Variants in FANCD2OS observed in about 807,000 individuals in gnomAD.
FANCD2OS encodes the protein FANCD2 opposite strand.
In FANCD2OS, 11 loss-of-function variants were observed where a neutral mutation model predicts 13.2. That is an observed-to-expected ratio of 0.83 (90% confidence interval 0.52 to 1.38). The LOEUF (loss-of-function observed/expected upper bound fraction) is 1.38. FANCD2OS is among the 40% of genes most tolerant of loss of function. The pLI, the probability that FANCD2OS is intolerant of heterozygous loss-of-function variation, is 0.00. For synonymous variants in FANCD2OS, 69 were observed against 84.5 expected (o/e 0.82, Z 1.01); for missense variants, 217 against 213.9 (o/e 1.01, Z -0.09).
At chr3:10,091,823 A>G (rs997880186) in intron 2 of FANCD2OS, among the ~76,000 whole-genome samples, 4 of 152,232 alleles carry the variant, frequency 2.6e-5, no homozygotes, top group Non-Finnish European at 5.9e-5. Context: ...CACCGGGTGC[A>G]GTGGCGCACG....
chr3:10,085,796 A>T lies in FANCD2OS; in HGVS notation c.*44-4265T>A, dbSNP rs778974182. On this transcript the variant is annotated intron_variant, in intron 2 of 2. Transcript: ENST00000524279. ...TCCAGAAACTAAGCTAACCCCTCTTACCTTGACTTCCTTAGGAGTGGATTT... is the reference window on the plus strand; with the variant it reads ...TCCAGAAACTAAGCTAACCCCTCTTTCCTTGACTTCCTTAGGAGTGGATTT... The T allele has an allele frequency of 2.9e-5, 46 of 1,564,902 alleles. No homozygotes were observed. The highest frequency in any genetic ancestry group is 3.7e-5 in the Non-Finnish European group (42 of 1,135,366).
intron 2 of FANCD2OS, chr3:10,085,933 A>T (rs776972450): frequency 6.4e-7 from 1 of 1,556,336 alleles, no homozygotes; most frequent in Non-Finnish European, 8.9e-7. Flanking sequence ...GTGAGTCATA[A>T]CTACATAGCC....
intron 2 of FANCD2OS, chr3:10,096,552 C>G: frequency 7.4e-7 from 1 of 1,344,024 alleles, no homozygotes; most frequent in Non-Finnish European, 1.1e-6. Context: ...AGGAAGGTCA[C>G]CTAAGCCCTC....
chr3:10,095,334 T>C (rs1032195865), intron 2 of FANCD2OS: 24 of 1,345,348 alleles, frequency 1.8e-5, no homozygotes, highest in South Asian at 4.8e-5. Context: ...GCAGTTGCTA[T>C]TGGGGGATCC....
At chr3:10,098,943 C>G (rs1474873820), downstream of FANCD2OS, 4 of 1,614,076 alleles carry the variant, frequency 2.5e-6, no homozygotes, top group African/African-American at 2.7e-5. Context: ...TTTCCATTCC[C>G]TCCATAACAG....
downstream of FANCD2OS, among the ~76,000 whole-genome samples, chr3:10,098,138 A>G (rs1695088233): frequency 2.0e-5 from 3 of 152,226 alleles, no homozygotes; most frequent in Admixed American, 2.0e-4. Flanking sequence ...GAAATATATA[A>G]AACAGCACCA....
chr3:10,106,743 G>A (rs1286703936), intron 1 of FANCD2OS, among the ~76,000 whole-genome samples: 3 of 152,134 alleles, frequency 2.0e-5, no homozygotes, highest in East Asian at 3.8e-4. Context: ...GTGAAACCCC[G>A]TCTCTACTAA....
In FANCD2OS at chr3:10,095,187, T is replaced by G. The variant is rs776010397; in HGVS notation, c.*43+9011A>C. The stretch of plus-strand genomic sequence containing the variant: ...GACATTTCATAGAGCATTTATAAAC[T>G]TATTGGTTATAGGAAGATGTTCTGA... On this transcript the variant is annotated intron_variant, in intron 2 of 2. Coordinates refer to the FANCD2OS transcript ENST00000524279. The G allele has an allele frequency of 1.2e-6, 2 of 1,607,470 alleles. No individual in the cohort carries two copies. The highest frequency in any genetic ancestry group is 1.7e-6 in the Non-Finnish European group (2 of 1,174,038).
downstream of FANCD2OS, chr3:10,101,449 A>G: frequency 3.7e-6 from 2 of 547,884 alleles, no homozygotes; most frequent in East Asian, 3.0e-5. Flanking sequence ...GCAGTGCTGC[A>G]ATCTTGGCTC....
rs576351555 is a variant in FANCD2OS at position 10,090,049 on chromosome 3, C to G, written c.*44-8518G>C. Among the ~76,000 whole-genome samples, 7 of 152,286 alleles carry G rather than the reference C, an allele frequency of 4.6e-5. No homozygotes were observed. The East Asian group carries it at 1.4e-3, about 29-fold the overall frequency. On this transcript the variant is annotated intron_variant, in intron 2 of 2. Coordinates refer to the FANCD2OS transcript ENST00000524279. ...TCAAACTCAGATCTTCTCACTGTTACTTCATTGCTTTTTCCATACTACCAT... is the reference window on the plus strand; with the variant it reads ...TCAAACTCAGATCTTCTCACTGTTAGTTCATTGCTTTTTCCATACTACCAT...
chr3:10,096,120 G>T lies in FANCD2OS; in HGVS notation c.*43+8078C>A, dbSNP rs755369640. On this transcript the variant is annotated intron_variant, in intron 2 of 2. Coordinates refer to the FANCD2OS transcript ENST00000524279. ...GAGGTTATGAAGAGGAACTAGAGGT[G>T]TTGGTGGTATGTCTTCTAGGCTTTG... Among the ~76,000 whole-genome samples, 32 of 152,300 alleles carry T rather than the reference G, an allele frequency of 2.1e-4. No homozygotes were observed. In the Middle Eastern group the frequency reaches 0.01, roughly 49 times the overall value.
downstream of FANCD2OS, among the ~76,000 whole-genome samples, chr3:10,098,564 C>T (rs1695116311): frequency 2.0e-5 from 3 of 152,208 alleles, no homozygotes; most frequent in Admixed American, 2.0e-4. Context: ...GAGTATCCCT[C>T]CTCTAGATGC....
chr3:10,085,289 A>G (rs993364903), intron 2 of FANCD2OS, among the ~76,000 whole-genome samples: 1 of 152,214 alleles, frequency 6.6e-6, no homozygotes, highest in Admixed American at 6.5e-5. Flanking sequence ...AGACTTCAGG[A>G]AAGATTACTT....
intron 2 of FANCD2OS, among the ~76,000 whole-genome samples, chr3:10,089,320 G>C (rs971524999): frequency 3.3e-5 from 5 of 151,484 alleles, no homozygotes; most frequent in African/African-American, 1.2e-4. Flanking sequence ...ACTGTCCAAC[G>C]TATATAGCTT....
chr3:10,093,925 G>A (rs1694802990), intron 2 of FANCD2OS, among the ~76,000 whole-genome samples: 1 of 152,144 alleles, frequency 6.6e-6, no homozygotes, highest in Non-Finnish European at 1.5e-5. Context: ...ATCTGATTGG[G>A]AAATTTAGAA....
chr3:10,084,955 A>G (rs1167123360), intron 2 of FANCD2OS, among the ~76,000 whole-genome samples: 1 of 152,196 alleles, frequency 6.6e-6, no homozygotes, highest in Admixed American at 6.5e-5. Context: ...AAAAGGTGTC[A>G]CTATGATCTA....
At chr3:10,096,278 G>C (rs374072890) in intron 2 of FANCD2OS, 1 of 1,594,202 alleles carries the variant, frequency 6.3e-7, no homozygotes, top group Non-Finnish European at 8.6e-7. Context: ...AAATGTGAAG[G>C]CATGATGATA....
At chr3:10,097,101 G>A (rs1169476328) in intron 2 of FANCD2OS, among the ~76,000 whole-genome samples, 1 of 152,184 alleles carries the variant, frequency 6.6e-6, no homozygotes, top group Non-Finnish European at 1.5e-5. Context: ...GGGAGTGTGC[G>A]AATAGGTGTG....
At chr3:10,106,501 C>T (rs1456696505) in intron 1 of FANCD2OS, among the ~76,000 whole-genome samples, 2 of 152,128 alleles carry the variant, frequency 1.3e-5, no homozygotes, top group African/African-American at 2.4e-5. Context: ...TTTCTCTGCC[C>T]CTTCTTCTCC....
Sources: allele counts gnomAD v4.1 joint callset (sites outside exome capture counted in the v4.1 genomes callset), GRCh38; gene constraint gnomAD v4.1.1; transcripts MANE v1.5; gene names NCBI Gene and HGNC (gene_info 2026-07-23, HGNC 2026-07-21).